Variants in DRC9 observed in about 807,000 individuals in gnomAD.
The protein encoded by DRC9 is dynein regulatory complex protein 9.
At chr3:197,936,914 G>A in the DRC9 span, among the ~76,000 whole-genome samples, 1 of 152,172 alleles carries the variant, frequency 6.6e-6, no homozygotes, top group Admixed American at 6.5e-5. Context: ...ATCTGGGCCA[G>A]GCTGACTTTA....
the DRC9 span, among the ~76,000 whole-genome samples, chr3:197,901,273 C>A: frequency 2.6e-5 from 4 of 152,146 alleles, no homozygotes; most frequent in East Asian, 7.7e-4. This position sits in a 1 kb window ranked among gnomAD's most constrained non-coding sequence, Gnocchi z 4.4. Context: ...AAGTAGCTGG[C>A]ATTACAGGCA....
At chr3:197,951,641 C>T in the DRC9 span, 7 of 325,750 alleles carry the variant, frequency 2.1e-5, no homozygotes, top group Non-Finnish European at 3.5e-5. Flanking sequence ...GCTTGAGCCA[C>T]CGCGCCTGGC....
the DRC9 span, chr3:197,913,333 C>CGTGCGTGCGTGT: frequency 1.6e-4 from 33 of 206,090 alleles, no homozygotes; most frequent in African/African-American, 6.7e-4. Context: ...TGTGTGCGTG[C>CGTGCGTGCGTGT]GTGCGTGCGT....
chr3:197,943,884 G>A, the DRC9 span: 2 of 1,614,112 alleles, frequency 1.2e-6, no homozygotes, highest in Non-Finnish European at 1.7e-6. Flanking sequence ...CAGCACATCT[G>A]GAAGGGACAG....
At chr3:197,905,539 G>C in the DRC9 span, among the ~76,000 whole-genome samples, 65 of 152,040 alleles carry the variant, frequency 4.3e-4, 1 homozygote, top group Non-Finnish European at 4.9e-4. Context: ...CTGAGGTCAG[G>C]AGTTTGAGAC....
the DRC9 span, among the ~76,000 whole-genome samples, chr3:197,902,278 CA>C: frequency 6.6e-6 from 1 of 152,276 alleles, no homozygotes; most frequent in Non-Finnish European, 1.5e-5. Context: ...GCAAGGACTA[CA>C]ATGAATACGT....
At chr3:197,933,240 G>A in the DRC9 span, among the ~76,000 whole-genome samples, 2 of 151,572 alleles carry the variant, frequency 1.3e-5, no homozygotes, top group East Asian at 1.9e-4. Context: ...AAGGTGGGTG[G>A]ATCACTTGAG....
At chr3:197,949,158 C>A in the DRC9 span, among the ~76,000 whole-genome samples, 1 of 152,194 alleles carries the variant, frequency 6.6e-6, no homozygotes, top group Non-Finnish European at 1.5e-5. Flanking sequence ...CATTGTGTTG[C>A]TCCGCCTCGT....
the DRC9 span, among the ~76,000 whole-genome samples, chr3:197,930,959 G>A: frequency 6.0e-5 from 9 of 151,212 alleles, no homozygotes; most frequent in African/African-American, 1.5e-4. Context: ...ACTTGAACCC[G>A]GGAGGCGGAG....
the DRC9 span, chr3:197,912,838 C>T: frequency 4.9e-6 from 5 of 1,016,560 alleles, no homozygotes; most frequent in African/African-American, 6.4e-5. Flanking sequence ...CGGTCGGTAG[C>T]TGAGGCTCCC....
chr3:197,904,059 TATATATACATAC>T, the DRC9 span, among the ~76,000 whole-genome samples: 119 of 71,502 alleles, frequency 1.7e-3, 1 homozygote, highest in African/African-American at 5.7e-3. Context: ...CATACATATA[TATATATACATAC>T]ATATATATAT....
At chr3:197,943,159 TC>T in the DRC9 span, among the ~76,000 whole-genome samples, 1 of 152,120 alleles carries the variant, frequency 6.6e-6, no homozygotes, top group African/African-American at 2.4e-5. Context: ...TTGAATTTCC[TC>T]CCCCTAGTGT....
chr3:197,932,288 T>C, the DRC9 span: 3 of 1,610,672 alleles, frequency 1.9e-6, no homozygotes, highest in African/African-American at 4.0e-5. Flanking sequence ...TGCAATCACA[T>C]CGCTGAAAAA....
At chr3:197,892,579 C>T in the DRC9 span, 1 of 1,602,794 alleles carries the variant, frequency 6.2e-7, no homozygotes, top group Admixed American at 1.7e-5. Context: ...AGTGAGCACC[C>T]TAATTCCTTT....
the DRC9 span, among the ~76,000 whole-genome samples, chr3:197,940,323 ATAATAAT>A: frequency 6.7e-6 from 1 of 148,792 alleles, no homozygotes; most frequent in Non-Finnish European, 1.5e-5. Context: ...ATATATATAT[ATAATAAT>A]ATATTTTATA....
At chr3:197,956,029 TGCTC>T in the DRC9 span, 3 of 473,842 alleles carry the variant, frequency 6.3e-6, no homozygotes, top group East Asian at 1.2e-4. Flanking sequence ...AGTGTAGTGG[TGCTC>T]GCTGCAGCCT....
chr3:197,914,773 G>A, the DRC9 span, among the ~76,000 whole-genome samples: 1 of 152,292 alleles, frequency 6.6e-6, no homozygotes, highest in East Asian at 1.9e-4. Flanking sequence ...GAAATAACAA[G>A]GGAGGAGTAC....
the DRC9 span, among the ~76,000 whole-genome samples, chr3:197,938,087 G>A: frequency 2.6e-5 from 4 of 151,924 alleles, no homozygotes; most frequent in South Asian, 2.1e-4. Flanking sequence ...AGGCCGAGGC[G>A]GGTGGATCAC....
At chr3:197,899,080 A>G in the DRC9 span, among the ~76,000 whole-genome samples, 1 of 152,168 alleles carries the variant, frequency 6.6e-6, no homozygotes, top group Admixed American at 6.6e-5. Context: ...TTCTAGGGAG[A>G]CGTAAGTTAC....
Sources: gnomAD v4.1 joint callset for allele counts (sites outside exome capture counted in the v4.1 genomes callset) on GRCh38, gnomAD v4.1.1 for gene constraint, Gnocchi (gnomAD v3.1) non-coding constraint, MANE v1.5 for transcripts, NCBI Gene and HGNC (gene_info 2026-07-23, HGNC 2026-07-21) for gene names.